The following PPM1E variants were observed in gnomAD, a reference collection of about 807,000 sequenced individuals.
PPM1E encodes protein phosphatase, Mg2+/Mn2+ dependent 1E.
A neutral mutation model predicts 65.9 loss-of-function variants in PPM1E; 20 were observed. The observed-to-expected ratio is 0.30, with a 90% CI of 0.21 to 0.44. PPM1E has a LOEUF of 0.44. PPM1E is among the 20% of genes least tolerant of loss of function. The probability of loss-of-function intolerance (pLI) is 1.00; values close to 1 mark genes in which losing one functional copy is unlikely to be tolerated. For synonymous variants in PPM1E, 352 were observed against 374.9 expected, an observed-to-expected ratio of 0.94 and a Z score of 0.70; for missense variants, 713 against 953.1, an observed-to-expected ratio of 0.75 and a Z score of 3.32.
chr17:58,940,561 A>G (rs2052050721), intron 1 of PPM1E, among the ~76,000 whole-genome samples: 1 of 152,202 alleles, frequency 6.6e-6, no homozygotes, highest in South Asian at 2.1e-4. Flanking sequence ...AATGAGACTA[A>G]TGGTTCTTGC....
At chr17:58,876,425 A>T (rs10401050) in intron 1 of PPM1E, among the ~76,000 whole-genome samples, 1 of 151,986 alleles carries the variant, frequency 6.6e-6, no homozygotes, top group Non-Finnish European at 1.5e-5. Context: ...TTGAGGATAA[A>T]CAAAATGTCA....
chr17:58,864,992 C>T (rs2050984434), intron 1 of PPM1E, among the ~76,000 whole-genome samples: 2 of 152,160 alleles, frequency 1.3e-5, no homozygotes, highest in Admixed American at 1.3e-4. Flanking sequence ...ATTCCAGATT[C>T]ATCCTTCAAG....
chr17:58,984,768 A>G lies in PPM1E; in HGVS notation c.*3737A>G, dbSNP rs1598730251. 6.6e-6 allele frequency: 1 copy of G among 152,624 alleles called. No individual in the cohort carries two copies. Among genetic ancestry groups the G allele is most frequent in the East Asian group, 1.9e-4 (1 of 5,194 alleles). The allele number at this position is 152,624 out of a possible 1,614,324, so 9.5% of individuals were successfully genotyped here. On this transcript the variant is annotated 3_prime_UTR_variant, in exon 7 of 7. Coordinates refer to ENST00000308249, the MANE Select transcript of PPM1E (RefSeq NM_014906.5). Reference sequence around the variant, plus strand: ...AATAACTGTTACTTCTTAAAGCAGCATTTTATCTTCTATTTTGAAGACTAT... The same window carrying G: ...AATAACTGTTACTTCTTAAAGCAGCGTTTTATCTTCTATTTTGAAGACTAT...
At chr17:58,908,718 G>A (rs187068911) in intron 1 of PPM1E, among the ~76,000 whole-genome samples, 1 of 152,184 alleles carries the variant, frequency 6.6e-6, no homozygotes, top group Non-Finnish European at 1.5e-5. Context: ...GTGATTACAG[G>A]CATGAGCCAC....
intron 1 of PPM1E, among the ~76,000 whole-genome samples, chr17:58,947,107 C>A (rs963568359): frequency 4.8e-5 from 4 of 83,288 alleles, no homozygotes; most frequent in African/African-American, 9.4e-5. Flanking sequence ...TTTCCTTTTT[C>A]CTGTTTTTTT....
chr17:58,944,259 G>A (rs1039008630), intron 1 of PPM1E, among the ~76,000 whole-genome samples: 6 of 151,950 alleles, frequency 3.9e-5, no homozygotes, highest in Non-Finnish European at 7.4e-5. Context: ...GATATAATTC[G>A]CATAATATAA....
chr17:58,799,288 T>C (rs2050236245), intron 1 of PPM1E, among the ~76,000 whole-genome samples: 1 of 149,144 alleles, frequency 6.7e-6, no homozygotes, highest in Admixed American at 6.7e-5. Context: ...CATTAAGTCT[T>C]TTTTTTTTTG....
intron 1 of PPM1E, among the ~76,000 whole-genome samples, chr17:58,850,237 C>A (rs2050812836): frequency 6.6e-6 from 1 of 152,122 alleles, no homozygotes; most frequent in African/African-American, 2.4e-5. Context: ...TCCAATTTGG[C>A]AGTCTGTGTC....
At chr17:58,775,710 C>T (rs28608890) in intron 1 of PPM1E, among the ~76,000 whole-genome samples, 74 of 150,102 alleles carry the variant, frequency 4.9e-4, no homozygotes, top group African/African-American at 1.8e-3. Context: ...GTCAGGAGAT[C>T]AAGACCATCC....
At position 58,960,570 on chromosome 17, in the gene PPM1E, C is replaced by T. The variant is rs2029998483; in HGVS notation, c.583+4803C>T. On this transcript the variant is annotated intron_variant, in intron 2 of 6. Coordinates refer to ENST00000308249, the MANE Select transcript of PPM1E (RefSeq NM_014906.5). The stretch of plus-strand genomic sequence containing the variant: ...AGGGTACATCACTTGAGGTCAGGAG[C>T]TCGAGACCAGTCTGGCCAACATGGT... Among the ~76,000 whole-genome samples the T allele has an allele frequency of 2.0e-5, 3 of 151,828 alleles. No homozygotes were observed. The South Asian group carries it at 6.2e-4, about 31-fold the overall frequency.
chr17:58,871,375 T>C (rs1193613804), intron 1 of PPM1E, among the ~76,000 whole-genome samples: 1 of 152,170 alleles, frequency 6.6e-6, no homozygotes, highest in Non-Finnish European at 1.5e-5. Flanking sequence ...CCTGTAAGAC[T>C]GTTTCATGTC....
At chr17:58,901,936 A>G (rs1835660369) in intron 1 of PPM1E, among the ~76,000 whole-genome samples, 1 of 151,874 alleles carries the variant, frequency 6.6e-6, no homozygotes, top group Admixed American at 6.6e-5. Flanking sequence ...AGATTGTGCC[A>G]TTGCACTCCA....
chr17:58,921,304 TTGTA>T (rs1054919023), intron 1 of PPM1E, among the ~76,000 whole-genome samples: 1 of 152,150 alleles, frequency 6.6e-6, no homozygotes, highest in African/African-American at 2.4e-5. Context: ...ATTGGAAACA[TTGTA>T]TGCTGATGGA....
At chr17:58,882,951 C>CTTTTTTTTT (rs549698099) in intron 1 of PPM1E, among the ~76,000 whole-genome samples, 1 of 98,836 alleles carries the variant, frequency 1.0e-5, no homozygotes, top group Non-Finnish European at 2.0e-5. Context: ...TTATTACTTT[C>CTTTTTTTTT]TTTTTTTTTT....
intron 1 of PPM1E, among the ~76,000 whole-genome samples, chr17:58,864,847 A>G (rs1227893144): frequency 1.3e-5 from 2 of 151,480 alleles, no homozygotes; most frequent in East Asian, 3.9e-4. Flanking sequence ...GAGGCAGGAT[A>G]ATTGCTTGAA....
chr17:58,818,116 A>T (rs1022541225), intron 1 of PPM1E, among the ~76,000 whole-genome samples: 1 of 152,188 alleles, frequency 6.6e-6, no homozygotes, highest in African/African-American at 2.4e-5. Context: ...AGTAAACAAT[A>T]TTAAACAGGA....
At chr17:58,961,079 G>T (rs996141374) in intron 2 of PPM1E, among the ~76,000 whole-genome samples, 2 of 152,144 alleles carry the variant, frequency 1.3e-5, no homozygotes, top group African/African-American at 4.8e-5. Flanking sequence ...AACTACCCAA[G>T]TGACATCCTT....
chr17:58,853,174 A>G (rs1212109209), intron 1 of PPM1E, among the ~76,000 whole-genome samples: 1 of 152,200 alleles, frequency 6.6e-6, no homozygotes, highest in Non-Finnish European at 1.5e-5. Context: ...AAGCATTGCT[A>G]CATCTAAGGT....
Position 58,847,413 on chromosome 17 carries a change from T to G in PPM1E, c.464+90952T>G, listed in dbSNP as rs528924696. Among the ~76,000 whole-genome samples, 522 of 152,320 alleles carry G rather than the reference T, an allele frequency of 3.4e-3. 6 individuals carry two copies. The highest frequency in any genetic ancestry group is 0.012 in the African/African-American group (512 of 41,576). On this transcript the variant is annotated intron_variant, in intron 1 of 6. Transcript: ENST00000308249. ...CTTTTTATGATTTTAGGTCTAACATTTAAGTCTTTAATCCATCTTGAATTC... is the reference window on the plus strand; with the variant it reads ...CTTTTTATGATTTTAGGTCTAACATGTAAGTCTTTAATCCATCTTGAATTC...
Sources: allele counts gnomAD v4.1 joint callset (sites outside exome capture counted in the v4.1 genomes callset), GRCh38; gene constraint gnomAD v4.1.1; transcripts MANE v1.5; gene names NCBI Gene and HGNC (gene_info 2026-07-23, HGNC 2026-07-21).